The following BMX variants were observed in gnomAD, a reference collection of about 807,000 sequenced individuals.
BMX encodes the protein cytoplasmic tyrosine-protein kinase BMX.
In BMX, 31 loss-of-function variants were observed where a neutral mutation model predicts 59.2. The observed-to-expected ratio is 0.52, with a 90% CI of 0.39 to 0.71. BMX has a LOEUF of 0.71. Among genes scored for constraint, BMX ranks in the 30% least tolerant of loss-of-function variants. The pLI is 0.00. For synonymous variants in BMX, 185 were observed against 181.0 expected, an observed-to-expected ratio of 1.02 and a Z score of -0.18; for missense variants, 474 against 491.7, an observed-to-expected ratio of 0.96 and a Z score of 0.34.
intron 11 of BMX, 137 bp downstream of exon 11, chrX:15,531,544 C>A: frequency 1.8e-6 from 1 of 550,583 alleles, no homozygotes; most frequent in Non-Finnish European, 2.9e-6. Flanking sequence ...TTGAATGTGA[C>A]CATTTGTAGT....
chrX:15,517,826 T>C (rs923541848), intron 5 of BMX, 103 bp from the exon 6 acceptor site: 4 of 684,138 alleles, frequency 5.8e-6, no homozygotes, highest in Non-Finnish European at 9.1e-6. Context: ...TAATCTGGAG[T>C]ATTGCTCACA....
chrX:15,519,807 A>T (rs1924357306), intron 6 of BMX, among the ~76,000 whole-genome samples: 1 of 111,482 alleles, frequency 9.0e-6, no homozygotes. Flanking sequence ...AGAAGAAACA[A>T]GAGAGAGGGA....
intron 12 of BMX, among the ~76,000 whole-genome samples, chrX:15,534,984 A>G (rs1421109123): frequency 8.9e-6 from 1 of 111,753 alleles, no homozygotes; most frequent in Non-Finnish European, 1.9e-5. Context: ...TTTTCACATT[A>G]TAATGGATGT....
At chrX:15,540,775 A>T (rs957597718) in intron 14 of BMX, among the ~76,000 whole-genome samples, 1 of 111,623 alleles carries the variant, frequency 9.0e-6, no homozygotes, top group African/African-American at 3.3e-5. Context: ...TGTACAATGG[A>T]TCACTCAGAG....
chrX:15,525,530 G>C (rs1179249121), intron 8 of BMX, among the ~76,000 whole-genome samples, 165 bp downstream of exon 8: 1 of 111,559 alleles, frequency 9.0e-6, no homozygotes, highest in African/African-American at 3.3e-5. Flanking sequence ...ATGGCTTTTG[G>C]GTTCTAGTTT....
Position 15,531,385 on chromosome X carries a change from T to C in BMX, c.997T>C (p.Ser333Pro). The change falls in exon 11 of 19, where the codon TCC (serine) becomes CCC (proline). Residue 333 changes from serine to proline, a missense_variant. By Grantham distance (74) the Ser-to-Pro change is moderately conservative. Transcript: ENST00000348343. ...GAGCCAAGTGGGAATGTACACAGTG[T>C]CCTTATTTAGTAAGGCTGTGAAGTA... Reference protein sequence around the residue: ...NSSQVGMYTVSLFSKAVNDKK... With the variant: ...NSSQVGMYTVPLFSKAVNDKK... 8.3e-7 allele frequency: 1 copy of C among 1,206,939 alleles called. No individual in the cohort carries two copies. Among genetic ancestry groups the C allele is most frequent in the Non-Finnish European group, 1.1e-6 (1 of 891,382 alleles).
At chrX:15,534,174 GT>G in intron 11 of BMX, 37 bp from the exon 12 acceptor site, 1 of 1,085,623 alleles carries the variant, frequency 9.2e-7, no homozygotes, top group Non-Finnish European at 1.2e-6. Flanking sequence ...AAGCTTTATT[GT>G]TTATTTTAAA....
intron 7 of BMX, among the ~76,000 whole-genome samples, chrX:15,523,176 G>C (rs1425750066): frequency 8.9e-6 from 1 of 111,986 alleles, no homozygotes; most frequent in Non-Finnish European, 1.9e-5. Flanking sequence ...ATGTTGAATT[G>C]AATTGCAAGA....
chrX:15,538,070 G>T, intron 14 of BMX, among the ~76,000 whole-genome samples: 1 of 110,425 alleles, frequency 9.1e-6, no homozygotes, highest in Non-Finnish European at 1.9e-5. Flanking sequence ...ATGTGTCTCA[G>T]CTCCCAGCAC....
chrX:15,526,245 T>A, intron 9 of BMX, 150 bp downstream of exon 9: 1 of 438,133 alleles, frequency 2.3e-6, no homozygotes, highest in Non-Finnish European at 3.6e-6. Flanking sequence ...GTCATTTATC[T>A]AGATGACAGG....
chrX:15,526,174 A>G (rs894679036), intron 9 of BMX, 79 bp downstream of exon 9: 5 of 905,535 alleles, frequency 5.5e-6, no homozygotes, highest in Non-Finnish European at 7.7e-6. Flanking sequence ...ACATTAAAAC[A>G]GATGGCTGAG....
chrX:15,523,765 T>C (rs1924582555), intron 7 of BMX, among the ~76,000 whole-genome samples: 1 of 111,694 alleles, frequency 9.0e-6, no homozygotes, highest in Admixed American at 9.5e-5. Context: ...GACTGCCCTG[T>C]TTTCAAATAA....
chrX:15,553,867 C>T (rs957578747), intron 18 of BMX, among the ~76,000 whole-genome samples: 4 of 111,630 alleles, frequency 3.6e-5, no homozygotes, highest in African/African-American at 6.5e-5. Flanking sequence ...GGCCCTGAGT[C>T]GGGAGGAACT....
At chrX:15,507,358 G>C (rs1161875929) in intron 1 of BMX, 14 of 754,102 alleles carry the variant, frequency 1.9e-5, no homozygotes, top group Non-Finnish European at 2.2e-5. Context: ...CTTAGAGCTT[G>C]AGAGTCAAAG....
intron 13 of BMX, among the ~76,000 whole-genome samples, chrX:15,536,664 A>T (rs1925367347): frequency 9.1e-6 from 1 of 110,328 alleles, no homozygotes; most frequent in African/African-American, 3.3e-5. Flanking sequence ...ATCAGACCCC[A>T]TTATTAGCCT....
At chrX:15,542,236 A>G (rs760107412) in intron 15 of BMX, 38 bp downstream of exon 15, 2 of 1,166,994 alleles carry the variant, frequency 1.7e-6, no homozygotes, top group Non-Finnish European at 2.3e-6. Context: ...AAAAGAAAGC[A>G]GTCCACGGCT....
rs766879746 is a variant in BMX at position 15,524,233 on chromosome X, G to A, written c.753-1055G>A. Among the ~76,000 whole-genome samples the A allele has an allele frequency of 9.1e-3, 1,023 of 112,136 alleles. 12 individuals carry two copies. Among genetic ancestry groups the A allele is most frequent in the African/African-American group, 0.031 (973 of 30,921 alleles). Reference sequence around the variant, plus strand: ...CATACAAAAGCAAGTAAGTTCTCACGATACAGTCTTTGTCATTTGTTCTTT... The same window carrying A: ...CATACAAAAGCAAGTAAGTTCTCACAATACAGTCTTTGTCATTTGTTCTTT... On this transcript the variant is annotated intron_variant, in intron 7 of 18. Transcript: ENST00000348343.
intron 3 of BMX, among the ~76,000 whole-genome samples, chrX:15,511,069 A>G (rs771572084): frequency 8.9e-6 from 1 of 111,975 alleles, no homozygotes; most frequent in Admixed American, 9.5e-5. Flanking sequence ...GAGCAGTTAA[A>G]CATTTTCCAG....
rs755110276 is a variant in BMX at position 15,555,530 on chromosome X, C to CAAGTCT, written c.1954-541_1954-536dup. On this transcript the variant is annotated intron_variant, in intron 18 of 18. Coordinates refer to ENST00000348343, the MANE Select transcript of BMX (RefSeq NM_203281.3). ...GGCCAGGGATGCTTTTTTATATAGT[C>CAAGTCT]AAGTCTACATTTGCATTTTTCAGCA... is the stretch of plus-strand genomic sequence containing the variant. Among the ~76,000 whole-genome samples, 5 of 111,018 alleles carry CAAGTCT rather than the reference C, an allele frequency of 4.5e-5. No individual in the cohort carries two copies. In the South Asian group the frequency reaches 1.9e-3, roughly 43 times the overall value.
Sources: gnomAD v4.1 joint callset for allele counts (sites outside exome capture counted in the v4.1 genomes callset) on GRCh38, gnomAD v4.1.1 for gene constraint, MANE v1.5 for transcripts, NCBI Gene and HGNC (gene_info 2026-07-23, HGNC 2026-07-21) for gene names.